CCDC40: variants seen among roughly 807,000 people sequenced by gnomAD.
The protein encoded by CCDC40 is coiled-coil domain-containing protein 40.
In CCDC40, 104 loss-of-function variants were observed where a neutral mutation model predicts 124.5. The observed-to-expected ratio is 0.84, with a 90% CI of 0.71 to 0.98. The LOEUF (loss-of-function observed/expected upper bound fraction) is 0.98. CCDC40 is among the 50% of genes least tolerant of loss of function. The pLI is 0.00. For synonymous variants in CCDC40, 580 were observed against 602.9 expected, an observed-to-expected ratio of 0.96 and a Z score of 0.56; for missense variants, 1,463 against 1,503.9, an observed-to-expected ratio of 0.97 and a Z score of 0.45.
chr17:80,078,184 A>G (rs1039996645), intron 10 of CCDC40, among the ~76,000 whole-genome samples: 13 of 151,996 alleles, frequency 8.6e-5, no homozygotes, highest in Non-Finnish European at 1.2e-4. Flanking sequence ...ACAAAAAATT[A>G]GCCGGGCGTG....
At chr17:80,075,021 C>T (rs1207921795) in intron 10 of CCDC40, among the ~76,000 whole-genome samples, 3 of 151,998 alleles carry the variant, frequency 2.0e-5, no homozygotes, top group South Asian at 2.1e-4. Context: ...CTCCCGGATT[C>T]CAGTAATTCT....
At position 80,095,298 on chromosome 17, in the gene CCDC40, G is replaced by A. The variant is rs1982243; in HGVS notation, c.2868G>A (p.Lys956=). 49,303 of 1,614,018 alleles carry A rather than the reference G, an allele frequency of 0.031. 1,150 individuals are homozygous for A. The highest frequency in any genetic ancestry group is 0.14 in the East Asian group (6,193 of 44,892). The change falls in exon 18 of 20, where the codon AAG becomes AAA. Residue 956 remains lysine (K), a synonymous_variant. Transcript: ENST00000397545. Reference sequence around the variant, plus strand: ...GGCAGCTGCTGAAGCAGCAGGAGAAGATGATCCGTGCCATGGAGTTGGCGG... The same window carrying A: ...GGCAGCTGCTGAAGCAGCAGGAGAAAATGATCCGTGCCATGGAGTTGGCGG... ...RLGQLLKQQE[K]MIRAMELAVA...
At chr17:80,057,487 T>A (rs1437087216) in intron 7 of CCDC40, among the ~76,000 whole-genome samples, 2 of 152,216 alleles carry the variant, frequency 1.3e-5, no homozygotes, top group Non-Finnish European at 2.9e-5. Flanking sequence ...GTTTTCTGTT[T>A]GGATCCAGCC....
At position 80,040,258 on chromosome 17, in the gene CCDC40, A is replaced by G. The variant is rs766688673; in HGVS notation, c.540A>G (p.Ala180=). ...TGGGCCAGGTCACCTCTGGGCCAGC[A>G]GTGGGCAGATTGGTGAGTAGCCCTG... ...EQMGQVTSGP[A]VGRLTGSTEE... is the part of the protein sequence containing the mutation. The change falls in exon 3 of 20, where the codon GCA becomes GCG. Residue 180 remains alanine (A), a synonymous_variant. Coordinates refer to ENST00000397545, the MANE Select transcript of CCDC40 (RefSeq NM_017950.4). 12 of 1,613,378 alleles carry G rather than the reference A, an allele frequency of 7.4e-6. No homozygotes were observed. Among genetic ancestry groups the G allele is most frequent in the Non-Finnish European group, 1.0e-5 (12 of 1,179,926 alleles).
At position 80,037,688 on chromosome 17, in the gene CCDC40, A is replaced by ATATATATATATATAT. The variant is rs1555889124; in HGVS notation, c.30-435_30-434insTATATATATATATAT. 5.4e-3 allele frequency among the ~76,000 whole-genome samples: 246 copies of ATATATATATATATAT among 45,646 alleles called. 1 individual carries two copies. Among genetic ancestry groups the ATATATATATATATAT allele is most frequent in the East Asian group, 0.014 (24 of 1,676 alleles). The allele number at this position is 45,646 out of a possible 152,430, so 29.9% of individuals were successfully genotyped here. On this transcript the variant is annotated intron_variant, in intron 1 of 19. Transcript: ENST00000397545. ...AGCTTGAATCTTTAATTTTTTAAAA[A>ATATATATATATATAT]AGATATACATATATATATATATATA...
In CCDC40 at chr17:80,047,192, C is replaced by T. The variant is rs2037445658; in HGVS notation, c.553-87C>T. Reference sequence around the variant, plus strand: ...GGTGACTATATTTTGAGTCTGACAACTTTCACAAATGTAATGAGTTAAAAT... The same window carrying T: ...GGTGACTATATTTTGAGTCTGACAATTTTCACAAATGTAATGAGTTAAAAT... On this transcript the variant is annotated intron_variant, in intron 3 of 19. Coordinates refer to ENST00000397545, the MANE Select transcript of CCDC40 (RefSeq NM_017950.4). 3.4e-6 allele frequency: 5 copies of T among 1,451,144 alleles called. No homozygotes were observed. In the East Asian group the frequency reaches 6.8e-5, roughly 20 times the overall value. 89.9% of individuals were successfully genotyped at this position (1,451,144 alleles called of 1,614,324 possible). A position where few individuals can be genotyped will look rare whatever the true frequency, so the allele number is the denominator to read the frequency against.
chr17:80,083,600 G>A (rs1288664961), intron 12 of CCDC40, among the ~76,000 whole-genome samples: 1 of 152,224 alleles, frequency 6.6e-6, no homozygotes, highest in Non-Finnish European at 1.5e-5. Context: ...CCCTGTCCTG[G>A]TGGTGACAGC....
At position 80,065,579 on chromosome 17, in the gene CCDC40, C is replaced by T. The variant is rs749657891; in HGVS notation, c.1535C>T (p.Ala512Val). The T allele has an allele frequency of 1.9e-6, 3 of 1,612,786 alleles. No individual in the cohort carries two copies. Among genetic ancestry groups the T allele is most frequent in the East Asian group, 2.2e-5 (1 of 44,798 alleles). The change falls in exon 10 of 20, where the codon GCG becomes GTG. Residue 512 changes from alanine to valine, a missense_variant. Physicochemically the swap from Ala to Val is moderately conservative, Grantham distance 64. Transcript: ENST00000397545. Reference protein sequence around the residue: ...SLVGMKHRDEAHRAVLEALRG... With the variant: ...SLVGMKHRDEVHRAVLEALRG... The stretch of plus-strand genomic sequence containing the variant: ...GTGGGCATGAAGCACCGCGACGAGG[C>T]GCACAGGGCGGTGCTGGAGGCGCTC...
chr17:80,095,594 G>GCTAC, intron 18 of CCDC40, 143 bp downstream of exon 18: 1 of 759,876 alleles, frequency 1.3e-6, no homozygotes, highest in Non-Finnish European at 2.2e-6. Flanking sequence ...ACCTGCTGCT[G>GCTAC]GGTGCTGGGT....
chr17:80,065,548 A>C lies in CCDC40; in HGVS notation c.1504A>C (p.Ser502Arg), dbSNP rs2038021369. The C allele has an allele frequency of 6.2e-7, 1 of 1,612,986 alleles. No homozygotes were observed. Among genetic ancestry groups the C allele is most frequent in the Non-Finnish European group, 8.5e-7 (1 of 1,179,958 alleles). ...KRRIMQQWAS[S>R]LVGMKHRDEA... ...GCGCATCATGCAGCAATGGGCCAGC[A>C]GCCTGGTGGGCATGAAGCACCGCGA... is the stretch of plus-strand genomic sequence containing the variant. Residue 502 changes from serine to arginine, a missense_variant, in exon 10 of 20, where the codon AGC (serine) becomes CGC (arginine). Transcript: ENST00000397545.
At chr17:80,047,217 T>A (rs976040284) in intron 3 of CCDC40, 62 bp from the exon 4 acceptor site, 10 of 1,557,756 alleles carry the variant, frequency 6.4e-6, no homozygotes, top group Non-Finnish European at 7.9e-6. Context: ...TGAGTTAAAA[T>A]TGAATAACTT....
intron 7 of CCDC40, among the ~76,000 whole-genome samples, chr17:80,053,833 C>A (rs1286453499): frequency 6.6e-6 from 1 of 152,292 alleles, no homozygotes; most frequent in East Asian, 1.9e-4. Context: ...CCTCGTGATC[C>A]GCCCACCTTG....
In CCDC40 at chr17:80,066,022, A is replaced by G; in HGVS notation, c.1562+416A>G. On this transcript the variant is annotated intron_variant, in intron 10 of 19. Coordinates refer to ENST00000397545, the MANE Select transcript of CCDC40 (RefSeq NM_017950.4). This position sits in a 1 kb window ranked among gnomAD's most constrained non-coding sequence, Gnocchi z 4.4. ...CTATTTTAATCTCCAAAGGAAGGGG[A>G]GGAAGAGGCCTCCTCTGGGCATCCC... 1.5e-6 allele frequency: 1 copy of G among 685,012 alleles called. No individual in the cohort carries two copies. The highest frequency in any genetic ancestry group is 2.7e-6 in the Non-Finnish European group (1 of 375,590). The allele number at this position is 685,012 out of a possible 1,614,324, so 42.4% of individuals were successfully genotyped here. A position where few individuals can be genotyped will look rare whatever the true frequency, so the allele number is the denominator to read the frequency against.
intron 10 of CCDC40, among the ~76,000 whole-genome samples, chr17:80,069,788 G>C (rs2038144652): frequency 6.6e-6 from 1 of 151,694 alleles, no homozygotes; most frequent in Non-Finnish European, 1.5e-5. Context: ...AAGAGAGAGA[G>C]AGAGACAGAG....
rs1329045388 is a variant in CCDC40, at chr17:80,086,155, C to T, written c.2388C>T (p.Ala796=). ...CACAGGAGCAGGAGGAGCAGCTGGCCTCCCTGGACGCATCCAAGAAGGAGC... is the reference window on the plus strand; with the variant it reads ...CACAGGAGCAGGAGGAGCAGCTGGCTTCCCTGGACGCATCCAAGAAGGAGC... ...KVTQEQEEQL[A]SLDASKKELH... The change falls in exon 14 of 20, where the codon GCC becomes GCT. Residue 796 remains alanine, a synonymous_variant. Coordinates refer to ENST00000397545, the MANE Select transcript of CCDC40 (RefSeq NM_017950.4). The surrounding 1 kb of genome is among the most constrained non-coding windows in gnomAD (Gnocchi z 5.5). 1 of 1,613,912 alleles carries T rather than the reference C, an allele frequency of 6.2e-7. No individual in the cohort carries two copies.
Position 80,068,328 on chromosome 17 carries a change from C to T in CCDC40, c.1562+2722C>T, listed in dbSNP as rs1210712875. On this transcript the variant is annotated intron_variant, in intron 10 of 19. Transcript: ENST00000397545. Reference sequence around the variant, plus strand: ...GATTACAGGCGGGAGCCACTGCGCCCGGCCAGTCTTTTAAAAGTGCAGGCC... The same window carrying T: ...GATTACAGGCGGGAGCCACTGCGCCTGGCCAGTCTTTTAAAAGTGCAGGCC... Among the ~76,000 whole-genome samples the T allele has an allele frequency of 5.3e-5, 8 of 152,238 alleles. No individual in the cohort carries two copies. The East Asian group carries it at 5.8e-4, about 11-fold the overall frequency.
Position 80,048,725 on chromosome 17 carries a change from C to A in CCDC40, c.819C>A (p.Asp273Glu), listed in dbSNP as rs552998827. Residue 273 changes from aspartate (D) to glutamate (E), a missense_variant, in exon 5 of 20, where the codon GAC becomes GAA. Physicochemically the swap from Asp to Glu is conservative, Grantham distance 45 (BLOSUM62 2). Coordinates refer to ENST00000397545, the MANE Select transcript of CCDC40 (RefSeq NM_017950.4). Reference sequence around the variant, plus strand: ...AGGGGAGTGACGAGGAAGCAGAAGACGAAGGGTCCCAGCTGGTGGTTTTGG... The same window carrying A: ...AGGGGAGTGACGAGGAAGCAGAAGAAGAAGGGTCCCAGCTGGTGGTTTTGG... ...ESEGSDEEAEDEGSQLVVLDP... is the reference protein window; with the variant it reads ...ESEGSDEEAEEEGSQLVVLDP... The A allele has an allele frequency of 3.1e-6, 5 of 1,613,282 alleles. No homozygotes were observed. In the African/African-American group the frequency reaches 4.0e-5, roughly 13 times the overall value.
rs1413778336 is a variant in CCDC40, at chr17:80,087,595, T to G, written c.2450-12T>G. 1.2e-6 allele frequency: 2 copies of G among 1,613,610 alleles called. No individual in the cohort carries two copies. The highest frequency in any genetic ancestry group is 1.7e-6 in the Non-Finnish European group (2 of 1,179,672). The stretch of plus-strand genomic sequence containing the variant: ...CTGGGGTCTCTCCCTGAGTCTCTGT[T>G]TTCTGCCATAGGCAAGATTGAGCAG... On this transcript the variant is annotated splice_polypyrimidine_tract_variant and intron_variant, in intron 14 of 19. Transcript: ENST00000397545. The surrounding 1 kb of genome is among the most constrained non-coding windows in gnomAD (Gnocchi z 4.5).
chr17:80,089,570 C>A, intron 16 of CCDC40, 194 bp from the exon 17 acceptor site: 1 of 393,884 alleles, frequency 2.5e-6, no homozygotes, highest in South Asian at 2.0e-5. Flanking sequence ...CCCCTGTATG[C>A]CAGAGGTTGG....
Sources: allele counts gnomAD v4.1 joint callset (sites outside exome capture counted in the v4.1 genomes callset), GRCh38; gene constraint gnomAD v4.1.1; non-coding constraint Gnocchi (gnomAD v3.1); transcripts MANE v1.5; gene names NCBI Gene and HGNC (gene_info 2026-07-23, HGNC 2026-07-21).